Variants in DOCK5 observed in about 807,000 individuals in gnomAD.
DOCK5 encodes the protein dedicator of cytokinesis 5.
A neutral mutation model predicts 251.8 loss-of-function variants in DOCK5; 142 were observed. The ratio of observed to expected loss-of-function variants is 0.56; its 90% CI spans 0.49 to 0.65. DOCK5 has a LOEUF of 0.65. Among genes scored for constraint, DOCK5 ranks in the 30% least tolerant of loss-of-function variants. DOCK5 has a pLI of 0.00. For synonymous variants in DOCK5, 842 were observed against 835.5 expected, an observed-to-expected ratio of 1.01 and a Z score of -0.13; for missense variants, 2,111 against 2,312.3, an observed-to-expected ratio of 0.91 and a Z score of 1.79.
Position 25,325,372 on chromosome 8 carries a change from C to CA in DOCK5, c.1735dup (p.Met579AsnfsTer5), listed in dbSNP as rs1282784562. 1 of 1,612,962 alleles carries CA rather than the reference C, an allele frequency of 6.2e-7. No homozygotes were observed. The highest frequency in any genetic ancestry group is 8.5e-7 in the Non-Finnish European group (1 of 1,179,554). On this transcript the variant is annotated frameshift_variant, in exon 18 of 52. Coordinates refer to ENST00000276440, the MANE Select transcript of DOCK5 (RefSeq NM_024940.8). LOFTEE classifies it high-confidence loss of function. ...AACATGCTTCCTTTTAGGGTGACAA[C>CA]AAAAAAATGGAAGATGCTAAATTCT...
At chr8:25,340,268 G>A (rs146367188) in intron 22 of DOCK5, among the ~76,000 whole-genome samples, 33 of 152,330 alleles carry the variant, frequency 2.2e-4, no homozygotes, top group African/African-American at 7.2e-4. Flanking sequence ...CGATCTCAGT[G>A]AAGTTCATAT....
chr8:25,287,665 T>C (rs1235929374), intron 5 of DOCK5, among the ~76,000 whole-genome samples: 3 of 152,184 alleles, frequency 2.0e-5, no homozygotes, highest in African/African-American at 7.2e-5. Context: ...CCCTATTGTG[T>C]TCCAGGATTG....
intron 45 of DOCK5, among the ~76,000 whole-genome samples, chr8:25,398,760 G>A (rs1022898872): frequency 1.3e-5 from 2 of 152,056 alleles, no homozygotes; most frequent in Non-Finnish European, 2.9e-5. Flanking sequence ...TGGGCTTAAG[G>A]GCCCACCCTA....
intron 1 of DOCK5, among the ~76,000 whole-genome samples, chr8:25,221,421 G>A (rs1411320243): frequency 6.6e-6 from 1 of 152,276 alleles, no homozygotes; most frequent in Non-Finnish European, 1.5e-5. Context: ...CAATTCTCCT[G>A]CCTCAGCCTC....
intron 5 of DOCK5, among the ~76,000 whole-genome samples, chr8:25,280,886 C>T (rs1040017259): frequency 5.3e-5 from 8 of 151,364 alleles, no homozygotes; most frequent in African/African-American, 1.7e-4. Context: ...TGAGGAATTG[C>T]GTGTACGTGG....
At chr8:25,374,477 A>G (rs1331395461) in intron 36 of DOCK5, 87 bp from the exon 37 acceptor site, 1 of 1,281,738 alleles carries the variant, frequency 7.8e-7, no homozygotes, top group Non-Finnish European at 1.1e-6. Flanking sequence ...AGCCTGGGCA[A>G]TACAGCAAGA....
intron 1 of DOCK5, among the ~76,000 whole-genome samples, chr8:25,197,322 G>C (rs1056517345): frequency 6.6e-6 from 1 of 152,140 alleles, no homozygotes; most frequent in African/African-American, 2.4e-5. Flanking sequence ...TCAGAGCCTG[G>C]GCTCACTCAA....
intron 3 of DOCK5, among the ~76,000 whole-genome samples, chr8:25,271,530 C>G (rs890645349): frequency 6.6e-6 from 1 of 152,140 alleles, no homozygotes; most frequent in Non-Finnish European, 1.5e-5. Flanking sequence ...CTTGAAAGGC[C>G]TGTTGTTTTA....
chr8:25,288,632 A>G (rs188570527), intron 5 of DOCK5, among the ~76,000 whole-genome samples: 109 of 152,354 alleles, frequency 7.2e-4, no homozygotes, highest in Middle Eastern at 3.4e-3. Flanking sequence ...TTAACATTAG[A>G]AAACACTTTG....
rs562529029 is a variant in DOCK5, at chr8:25,233,523, TTTC to T, written c.44-10146_44-10144del. Among the ~76,000 whole-genome samples the T allele has an allele frequency of 5.5e-3, 844 of 152,296 alleles. 2 individuals are homozygous for T. The highest frequency in any genetic ancestry group is 9.0e-3 in the Non-Finnish European group (611 of 68,026). On this transcript the variant is annotated intron_variant, in intron 1 of 51. Transcript: ENST00000276440. ...AGACATGACCAATAGTTGCTCGTTG[TTTC>T]TTCTCATTTTATTCTTAACCAGAAG...
intron 5 of DOCK5, among the ~76,000 whole-genome samples, chr8:25,287,412 C>T (rs979508334): frequency 3.3e-5 from 5 of 151,360 alleles, no homozygotes; most frequent in Non-Finnish European, 5.9e-5. Context: ...GGTGACAGAG[C>T]GAGACTCCAT....
At chr8:25,380,055 C>T (rs1801037905) in intron 38 of DOCK5, among the ~76,000 whole-genome samples, 1 of 152,198 alleles carries the variant, frequency 6.6e-6, no homozygotes, top group African/African-American at 2.4e-5. Flanking sequence ...ACACATGGTA[C>T]TTATTCTTAA....
chr8:25,185,477 A>G (rs1801409753), intron 1 of DOCK5, among the ~76,000 whole-genome samples: 1 of 152,102 alleles, frequency 6.6e-6, no homozygotes, highest in East Asian at 1.9e-4. Context: ...TGGGATCTTG[A>G]TGACAGTTGT....
Position 25,257,021 on chromosome 8 carries a change from A to G in DOCK5, c.128-11824A>G, listed in dbSNP as rs181999235. 6.5e-4 allele frequency among the ~76,000 whole-genome samples: 99 copies of G among 152,230 alleles called. No homozygotes were observed. The Middle Eastern group carries it at 0.01, about 16-fold the overall frequency. On this transcript the variant is annotated intron_variant, in intron 2 of 51. Coordinates refer to ENST00000276440, the MANE Select transcript of DOCK5 (RefSeq NM_024940.8). ...ATAGTCTGGACACCCCTAGCATGGTATTCTAGCTGTTTTGTGTGTCTCAGC... is the reference window on the plus strand; with the variant it reads ...ATAGTCTGGACACCCCTAGCATGGTGTTCTAGCTGTTTTGTGTGTCTCAGC...
chr8:25,247,809 T>G (rs1305783451), intron 2 of DOCK5, among the ~76,000 whole-genome samples: 1 of 152,190 alleles, frequency 6.6e-6, no homozygotes, highest in Non-Finnish European at 1.5e-5. Context: ...TTCTAGTATA[T>G]TACAGCTCAC....
At chr8:25,250,958 G>C (rs933060087) in intron 2 of DOCK5, among the ~76,000 whole-genome samples, 3 of 152,148 alleles carry the variant, frequency 2.0e-5, no homozygotes, top group African/African-American at 4.8e-5. Context: ...TGAGTCAAGA[G>C]TGATCAAATG....
Position 25,247,975 on chromosome 8 carries a change from A to G in DOCK5, c.127+4218A>G, listed in dbSNP as rs541824691. 2.0e-5 allele frequency among the ~76,000 whole-genome samples: 3 copies of G among 151,946 alleles called. No homozygotes were observed. In the East Asian group the frequency reaches 5.8e-4, roughly 29 times the overall value. ...ACATTTTTGCTGCGTCAGCCGTAGAACTTTTTCATCTCAAAGGACGTCAGT... is the reference window on the plus strand; with the variant it reads ...ACATTTTTGCTGCGTCAGCCGTAGAGCTTTTTCATCTCAAAGGACGTCAGT... On this transcript the variant is annotated intron_variant, in intron 2 of 51. Coordinates refer to ENST00000276440, the MANE Select transcript of DOCK5 (RefSeq NM_024940.8).
In DOCK5 at chr8:25,184,822, G is replaced by T. The variant is rs112880266; in HGVS notation, c.-87G>T. The T allele has an allele frequency of 3.4e-6, 4 of 1,183,326 alleles. No individual in the cohort carries two copies. Among genetic ancestry groups the T allele is most frequent in the African/African-American group, 3.2e-5 (2 of 62,504 alleles). 73.3% of individuals were successfully genotyped at this position (1,183,326 alleles called of 1,614,324 possible). On this transcript the variant is annotated 5_prime_UTR_variant, in exon 1 of 52. Transcript: ENST00000276440. ...GCGGAACATGGCGGAAGCGTCTGGG[G>T]CACGCAGGAGCGCGGGGCGGCGGCG...
At chr8:25,186,217 A>G (rs1801427397) in intron 1 of DOCK5, among the ~76,000 whole-genome samples, 1 of 151,576 alleles carries the variant, frequency 6.6e-6, no homozygotes, top group Non-Finnish European at 1.5e-5. Flanking sequence ...TCCTTTATAT[A>G]TTTATTATTT....
Sources: allele counts gnomAD v4.1 joint callset (sites outside exome capture counted in the v4.1 genomes callset), GRCh38; gene constraint gnomAD v4.1.1; transcripts MANE v1.5; gene names NCBI Gene and HGNC (gene_info 2026-07-23, HGNC 2026-07-21).